Variants in ERI1 observed in about 807,000 individuals in gnomAD.
The protein encoded by ERI1 is 3'-5' exoribonuclease 1.
In ERI1, 39 loss-of-function variants were observed where a neutral mutation model predicts 39.7. The ratio of observed to expected loss-of-function variants is 0.98; its 90% CI spans 0.76 to 1.28. The LOEUF (loss-of-function observed/expected upper bound fraction) is 1.28. Ranked by LOEUF, ERI1 falls within the 50% of genes most tolerant of loss-of-function variation. ERI1 has a pLI of 0.00. For missense variants in ERI1, 581 were observed against 416.9 expected, an observed-to-expected ratio of 1.39 and a Z score of -3.43; for synonymous variants, 204 against 149.6, an observed-to-expected ratio of 1.36 and a Z score of -2.65.
chr8:9,022,544 CG>C (rs1818024204), intron 6 of ERI1, among the ~76,000 whole-genome samples: 1 of 151,970 alleles, frequency 6.6e-6, no homozygotes, highest in Admixed American at 6.6e-5. Flanking sequence ...GGACTACGGG[CG>C]CCCACAACCA....
chr8:9,017,703 C>A (rs1445206461), intron 4 of ERI1, among the ~76,000 whole-genome samples: 1 of 152,104 alleles, frequency 6.6e-6, no homozygotes, highest in Non-Finnish European at 1.5e-5. Context: ...AACTGGCAGA[C>A]CTACAGGTAG....
In ERI1 at chr8:9,030,132, C is replaced by A; in HGVS notation, c.*98C>A. ...GTCCTGTAGTGCAAACTTTAAGCAC[C>A]TTAAAACATTTAAAATCTTATTACA... On this transcript the variant is annotated 3_prime_UTR_variant, in exon 7 of 7. Transcript: ENST00000250263. 1.4e-6 allele frequency: 2 copies of A among 1,454,692 alleles called. No homozygotes were observed. Among genetic ancestry groups the A allele is most frequent in the Non-Finnish European group, 9.4e-7 (1 of 1,068,686 alleles). The allele number at this position is 1,454,692 out of a possible 1,614,324, so 90.1% of individuals were successfully genotyped here.
At position 9,032,276 on chromosome 8, in the gene ERI1, TATTA is replaced by T. The variant is rs201042493; in HGVS notation, c.*2245_*2248del. 1,002 of 152,362 alleles carry T rather than the reference TATTA, an allele frequency of 6.6e-3. 12 individuals are homozygous for T. The highest frequency in any genetic ancestry group is 0.023 in the African/African-American group (943 of 41,588). 9.4% of individuals were successfully genotyped at this position (152,362 alleles called of 1,614,324 possible). A position where few individuals can be genotyped will look rare whatever the true frequency, so the allele number is the denominator to read the frequency against. The stretch of plus-strand genomic sequence containing the variant: ...ATTAGTATATTCTATTATTGTTTCT[TATTA>T]ATAGTTACTTAGTATTTACAAACAA... On this transcript the variant is annotated 3_prime_UTR_variant, in exon 7 of 7. Coordinates refer to ENST00000250263, the MANE Select transcript of ERI1 (RefSeq NM_153332.4).
intron 4 of ERI1, among the ~76,000 whole-genome samples, chr8:9,017,886 C>G (rs1817473171): frequency 6.6e-6 from 1 of 152,160 alleles, no homozygotes; most frequent in Non-Finnish European, 1.5e-5. Flanking sequence ...TTAGGAAGAT[C>G]AGTCTGGCAG....
At chr8:9,037,876 T>G (rs1412819208), downstream of ERI1, among the ~76,000 whole-genome samples, 1 of 135,892 alleles carries the variant, frequency 7.4e-6, no homozygotes, top group Non-Finnish European at 1.6e-5. Flanking sequence ...TAGTTCAGTC[T>G]GTACATTGCT....
At chr8:9,042,322 G>T (rs1045618147) in intron 3 of ERI1, among the ~76,000 whole-genome samples, 2 of 152,138 alleles carry the variant, frequency 1.3e-5, no homozygotes, top group African/African-American at 4.8e-5. Flanking sequence ...CTCTGCAAAA[G>T]GTTCCTAAAA....
chr8:9,035,414 A>G (rs1488653210), downstream of ERI1, among the ~76,000 whole-genome samples: 1 of 152,212 alleles, frequency 6.6e-6, no homozygotes, highest in Non-Finnish European at 1.5e-5. Context: ...GTGTTCATTA[A>G]CCATTCTGAA....
At chr8:9,070,198 C>T (rs2117423475) in intron 3 of ERI1, among the ~76,000 whole-genome samples, 1 of 151,534 alleles carries the variant, frequency 6.6e-6, no homozygotes, top group South Asian at 2.1e-4. Flanking sequence ...GAGATTGCAC[C>T]ACTGCACTCC....
chr8:9,084,557 A>C (rs1002669732), intron 3 of ERI1, among the ~76,000 whole-genome samples: 1 of 152,190 alleles, frequency 6.6e-6, no homozygotes. Flanking sequence ...TTCAGTTTGG[A>C]AAGTCAGACC....
At chr8:9,033,708 T>C (rs1270493595), downstream of ERI1, among the ~76,000 whole-genome samples, 1 of 152,214 alleles carries the variant, frequency 6.6e-6, no homozygotes, top group Non-Finnish European at 1.5e-5. Context: ...GCGGTTAAGT[T>C]GCCAAAGTTT....
chr8:9,059,076 GTT>G (rs1237042648), intron 3 of ERI1, among the ~76,000 whole-genome samples: 5 of 152,054 alleles, frequency 3.3e-5, no homozygotes, highest in Non-Finnish European at 5.9e-5. Context: ...AAAAAGCGGG[GTT>G]GTTCTCTGGC....
intron 6 of ERI1, among the ~76,000 whole-genome samples, chr8:9,022,491 T>A (rs1008831314): frequency 6.6e-6 from 1 of 152,080 alleles, no homozygotes; most frequent in Non-Finnish European, 1.5e-5. Context: ...ACCCTGTCTC[T>A]TGGGTTCAAG....
chr8:9,041,588 T>C (rs921201303), intron 3 of ERI1, among the ~76,000 whole-genome samples: 1 of 152,150 alleles, frequency 6.6e-6, no homozygotes, highest in Non-Finnish European at 1.5e-5. Flanking sequence ...GAATGATCAA[T>C]GGGTGAAAGA....
At chr8:9,073,874 C>G (rs184562167) in intron 3 of ERI1, among the ~76,000 whole-genome samples, 92 of 152,212 alleles carry the variant, frequency 6.0e-4, no homozygotes, top group African/African-American at 2.0e-3. Context: ...TTAAAAAAGT[C>G]AAACCCTATA....
At chr8:9,040,982 T>C (rs1219687155) in intron 3 of ERI1, among the ~76,000 whole-genome samples, 3 of 152,156 alleles carry the variant, frequency 2.0e-5, no homozygotes, top group African/African-American at 4.8e-5. Flanking sequence ...CATGCTGAAA[T>C]TGCATGCATA....
chr8:9,020,377 C>T lies in ERI1; in HGVS notation c.720C>T (p.Asn240=). Residue 240 remains asparagine, a synonymous_variant, in exon 6 of 7, where the codon AAC becomes AAT. Transcript: ENST00000250263. ...CTTGGGATATGAGTAAGTTCTTGAA[C>T]ATTCAGTGTCAACTCAGCAGGCTCA... The part of the protein sequence containing the change: ...DGSWDMSKFL[N]IQCQLSRLKY... 2 of 1,595,230 alleles carry T rather than the reference C, an allele frequency of 1.3e-6. No homozygotes were observed. The highest frequency in any genetic ancestry group is 1.8e-5 in the Admixed American group (1 of 56,628).
chr8:9,010,944 C>T (rs1224038005), intron 2 of ERI1, among the ~76,000 whole-genome samples: 1 of 152,074 alleles, frequency 6.6e-6, no homozygotes, highest in African/African-American at 2.4e-5. Context: ...TGATAATGCT[C>T]CTTTGGACAG....
chr8:9,009,606 C>G (rs746736254), intron 2 of ERI1, among the ~76,000 whole-genome samples: 1 of 151,240 alleles, frequency 6.6e-6, no homozygotes, highest in African/African-American at 2.4e-5. Flanking sequence ...GTGGTGTGAT[C>G]TCGGCTCACT....
chr8:9,010,973 T>C (rs1816607350), intron 2 of ERI1, among the ~76,000 whole-genome samples: 1 of 152,200 alleles, frequency 6.6e-6, no homozygotes, highest in African/African-American at 2.4e-5. Flanking sequence ...GAGTGTATTC[T>C]AATTGAGTTT....
Sources: allele counts gnomAD v4.1 joint callset (sites outside exome capture counted in the v4.1 genomes callset), GRCh38; gene constraint gnomAD v4.1.1; transcripts MANE v1.5; gene names NCBI Gene and HGNC (gene_info 2026-07-23, HGNC 2026-07-21).